Variants in RUSC2 observed in about 807,000 individuals in gnomAD.
RUSC2 encodes RUN and SH3 domain containing 2, also known as AP-4 complex accessory subunit RUSC2.
Under a neutral mutation model 122.2 loss-of-function variants are expected in RUSC2, and 34 were observed. The ratio of observed to expected loss-of-function variants is 0.28; its 90% confidence interval spans 0.21 to 0.37. RUSC2 has a LOEUF of 0.37. Ranked by LOEUF, RUSC2 falls within the 10% of genes least tolerant of loss-of-function variation. The probability of loss-of-function intolerance (pLI) is 1.00; values close to 1 mark genes in which losing one functional copy is unlikely to be tolerated. For missense variants in RUSC2, 1,747 were observed against 1,952.4 expected, an observed-to-expected ratio of 0.89 and a Z score of 1.98; for synonymous variants, 784 against 790.0, an observed-to-expected ratio of 0.99 and a Z score of 0.13.
At chr9:35,532,711 T>C (rs1821444764) in intron 1 of RUSC2, among the ~76,000 whole-genome samples, 1 of 151,646 alleles carries the variant, frequency 6.6e-6, no homozygotes, top group Non-Finnish European at 1.5e-5. Context: ...AGCCACTGCA[T>C]TCCAGCCTGG....
rs1326881481 is a variant in RUSC2, at chr9:35,557,741, C to T, written c.2984-173C>T. ...AGTAAAGACAGGAAGAGCTTAAGAA[C>T]TGGGCAGAACCAGAAAAGGGCCAGG... On this transcript the variant is annotated intron_variant, in intron 5 of 11. Transcript: ENST00000361226. The surrounding 1 kb of genome is among the most constrained non-coding windows in gnomAD (Gnocchi z 4.6). 6.6e-6 allele frequency among the ~76,000 whole-genome samples: 1 copy of T among 152,196 alleles called. No homozygotes were observed. The highest frequency in any genetic ancestry group is 6.5e-5 in the Admixed American group (1 of 15,286).
intron 1 of RUSC2, among the ~76,000 whole-genome samples, chr9:35,535,027 T>C (rs909038914): frequency 1.3e-5 from 2 of 152,148 alleles, no homozygotes; most frequent in Admixed American, 1.3e-4. Context: ...AGTTTTTCTG[T>C]TTTTTTCTTT....
intron 8 of RUSC2, among the ~76,000 whole-genome samples, 172 bp from the exon 9 acceptor site, chr9:35,559,054 A>C (rs915777920): frequency 6.6e-6 from 1 of 152,204 alleles, no homozygotes; most frequent in African/African-American, 2.4e-5. Context: ...CTTGTAAATC[A>C]CATGTCCATC....
intron 1 of RUSC2, among the ~76,000 whole-genome samples, chr9:35,516,931 A>G (rs1821120444): frequency 6.6e-6 from 1 of 152,224 alleles, no homozygotes; most frequent in Non-Finnish European, 1.5e-5. Context: ...AAAGAAGGTA[A>G]GTATTTGAGG....
At chr9:35,554,999 T>C in intron 2 of RUSC2, 61 bp from the exon 3 acceptor site, 1 of 1,584,806 alleles carries the variant, frequency 6.3e-7, no homozygotes, top group Non-Finnish European at 8.6e-7. Flanking sequence ...TGCTTCTGGG[T>C]TTTCTCTCAT....
chr9:35,552,018 GCAC>G (rs1821910211), intron 2 of RUSC2, among the ~76,000 whole-genome samples: 1 of 151,612 alleles, frequency 6.6e-6, no homozygotes, highest in Non-Finnish European at 1.5e-5. Context: ...AGCTATGATT[GCAC>G]CACTGCATCC....
intron 1 of RUSC2, among the ~76,000 whole-genome samples, chr9:35,540,986 G>T (rs1821631905): frequency 6.6e-6 from 1 of 152,090 alleles, no homozygotes; most frequent in Admixed American, 6.5e-5. Flanking sequence ...ATTTAGAGAT[G>T]ATATATATAA....
intron 2 of RUSC2, 93 bp from the exon 3 acceptor site, chr9:35,554,967 C>A (rs1284776879): frequency 2.1e-6 from 3 of 1,455,098 alleles, no homozygotes; most frequent in Non-Finnish European, 1.9e-6. Context: ...CAGGTCCCTG[C>A]CCCTCTCCCC....
In RUSC2 at chr9:35,558,122, A is replaced by C. The variant is rs546841078; in HGVS notation, c.3061-75A>C. The C allele has an allele frequency of 1.7e-4, 278 of 1,590,928 alleles. 1 individual carries two copies. The African/African-American group carries it at 3.3e-3, about 19-fold the overall frequency. On this transcript the variant is annotated intron_variant, in intron 6 of 11. Transcript: ENST00000361226. This position sits in a 1 kb window ranked among gnomAD's most constrained non-coding sequence, Gnocchi z 4.3. ...TAGGAATGGGGACGGCAAGAGGGGA[A>C]CCATGAGGGCCTGCTACGAGAGGAC...
chr9:35,505,274 C>T (rs1225528360), intron 1 of RUSC2, among the ~76,000 whole-genome samples: 1 of 152,178 alleles, frequency 6.6e-6, no homozygotes, highest in African/African-American at 2.4e-5. Context: ...AGCAAATGCA[C>T]TGGGAGTCTA....
In RUSC2 at chr9:35,548,446, C is replaced by G; in HGVS notation, c.1925C>G (p.Pro642Arg). 1 of 1,613,984 alleles carries G rather than the reference C, an allele frequency of 6.2e-7. No homozygotes were observed. The highest frequency in any genetic ancestry group is 8.5e-7 in the Non-Finnish European group (1 of 1,180,038). Reference protein sequence around the residue: ...PAGLRATGQGPLAQLMDPGPA... With the variant: ...PAGLRATGQGRLAQLMDPGPA... Reference sequence around the variant, plus strand: ...GGCCTCAGAGCTACTGGGCAAGGCCCCCTGGCTCAGCTGATGGATCCAGGG... The same window carrying G: ...GGCCTCAGAGCTACTGGGCAAGGCCGCCTGGCTCAGCTGATGGATCCAGGG... The change falls in exon 2 of 12, where the codon CCC (proline) becomes CGC (arginine). Residue 642 changes from proline to arginine, a missense_variant. Physicochemically the swap from Pro to Arg is moderately radical, Grantham distance 103 (BLOSUM62 -2). Transcript: ENST00000361226. The surrounding 1 kb of genome is among the most constrained non-coding windows in gnomAD (Gnocchi z 4.5).
At chr9:35,534,174 CACTTT>C (rs1395024422) in intron 1 of RUSC2, among the ~76,000 whole-genome samples, 14 of 152,230 alleles carry the variant, frequency 9.2e-5, no homozygotes, top group African/African-American at 3.4e-4. Context: ...AGTAGTATCT[CACTTT>C]AGTTTTGATT....
At chr9:35,492,909 T>C (rs936852351) in intron 1 of RUSC2, among the ~76,000 whole-genome samples, 8 of 152,186 alleles carry the variant, frequency 5.3e-5, no homozygotes, top group Admixed American at 4.6e-4. Context: ...GTACCTCATA[T>C]AAGTGGAATC....
chr9:35,515,791 G>A (rs929869012), intron 1 of RUSC2, among the ~76,000 whole-genome samples: 4 of 151,832 alleles, frequency 2.6e-5, no homozygotes, highest in Non-Finnish European at 5.9e-5. Context: ...TTGAGGCCAG[G>A]AAGTTGGGAA....
intron 1 of RUSC2, among the ~76,000 whole-genome samples, chr9:35,545,866 C>T (rs541307993): frequency 3.3e-5 from 5 of 152,226 alleles, no homozygotes; most frequent in Non-Finnish European, 7.4e-5. Flanking sequence ...TATTCTGGGG[C>T]TTGTAGGACG....
chr9:35,547,313 G>C lies in RUSC2; in HGVS notation c.792G>C (p.Gln264His), dbSNP rs1474496823. ...CCAGTCAGTCCGAGGCAGCTGACCA[G>C]TCCATGGGCTATGTGAGCGACTCCT... ...STSSQSEAAD[Q>H]SMGYVSDSSC... is the part of the protein sequence containing the mutation. Residue 264 changes from glutamine (Q) to histidine (H), a missense_variant, in exon 2 of 12, where the codon CAG becomes CAC. Coordinates refer to ENST00000361226, the MANE Select transcript of RUSC2 (RefSeq NM_014806.5). This position sits in a 1 kb window ranked among gnomAD's most constrained non-coding sequence, Gnocchi z 4.6. 1.2e-6 allele frequency: 2 copies of C among 1,614,216 alleles called. No individual in the cohort carries two copies. Among genetic ancestry groups the C allele is most frequent in the Non-Finnish European group, 1.7e-6 (2 of 1,180,036 alleles).
chr9:35,495,429 C>T (rs1325786162), intron 1 of RUSC2, among the ~76,000 whole-genome samples: 1 of 150,558 alleles, frequency 6.6e-6, no homozygotes, highest in Non-Finnish European at 1.5e-5. Flanking sequence ...AAAGACTGAC[C>T]TTTCCCCACT....
intron 2 of RUSC2, among the ~76,000 whole-genome samples, chr9:35,551,901 A>G (rs1311164438): frequency 6.6e-6 from 1 of 151,748 alleles, no homozygotes; most frequent in Admixed American, 6.6e-5. Context: ...GTCTACAGAA[A>G]AAAAAATTTA....
chr9:35,530,076 C>CA (rs565260114), intron 1 of RUSC2, among the ~76,000 whole-genome samples: 1 of 152,170 alleles, frequency 6.6e-6, no homozygotes, highest in Non-Finnish European at 1.5e-5. Flanking sequence ...CTCAGTCTCC[C>CA]AAGTAGCTAG....
Sources: allele counts gnomAD v4.1 joint callset (sites outside exome capture counted in the v4.1 genomes callset), GRCh38; gene constraint gnomAD v4.1.1; non-coding constraint Gnocchi (gnomAD v3.1); transcripts MANE v1.5; gene names NCBI Gene and HGNC (gene_info 2026-07-23, HGNC 2026-07-21).